FOXP1: variants seen among roughly 807,000 people sequenced by gnomAD.
The protein encoded by FOXP1 is forkhead box P1, also known as forkhead box protein P1.
In FOXP1, 15 loss-of-function variants were observed where a neutral mutation model predicts 98.2. The observed-to-expected ratio is 0.15, with a 90% CI of 0.10 to 0.24. FOXP1 has a LOEUF of 0.24. Ranked by LOEUF, FOXP1 falls within the 10% of genes least tolerant of loss-of-function variation. FOXP1 has a pLI of 1.00. For missense variants in FOXP1, 633 were observed against 848.5 expected, an observed-to-expected ratio of 0.75 and a Z score of 3.15; for synonymous variants, 371 against 314.5, an observed-to-expected ratio of 1.18 and a Z score of -1.90.
chr3:71,330,613 A>G (rs2076233030), intron 4 of FOXP1, among the ~76,000 whole-genome samples: 1 of 152,246 alleles, frequency 6.6e-6, no homozygotes, highest in Non-Finnish European at 1.5e-5. Flanking sequence ...ACTAAAAGAA[A>G]TTTGCATTAA....
intron 6 of FOXP1, among the ~76,000 whole-genome samples, chr3:71,141,266 C>CAA (rs71621921): frequency 0.048 from 3,460 of 71,590 alleles, 140 homozygotes; most frequent in East Asian, 0.13. Flanking sequence ...GACTCTGTCT[C>CAA]AAAAAAAAAA....
chr3:71,265,000 C>T (rs2069501059), intron 5 of FOXP1, among the ~76,000 whole-genome samples: 1 of 152,200 alleles, frequency 6.6e-6, no homozygotes, highest in East Asian at 1.9e-4. Context: ...TGCAGTCTGG[C>T]TCATCTGATT....
At chr3:71,038,957 T>G (rs2047970980) in intron 11 of FOXP1, among the ~76,000 whole-genome samples, 1 of 152,166 alleles carries the variant, frequency 6.6e-6, no homozygotes, top group South Asian at 2.1e-4. Flanking sequence ...TGAACCACTG[T>G]ACCAGGCCTA....
At chr3:71,231,905 T>C (rs1000639475) in intron 5 of FOXP1, among the ~76,000 whole-genome samples, 2 of 152,258 alleles carry the variant, frequency 1.3e-5, no homozygotes, top group African/African-American at 4.8e-5. Flanking sequence ...CGTTATCTCC[T>C]GTAGGAAGGC....
intron 3 of FOXP1, among the ~76,000 whole-genome samples, chr3:71,389,002 C>T (rs1404734848): frequency 6.6e-6 from 1 of 151,842 alleles, no homozygotes; most frequent in Non-Finnish European, 1.5e-5. Flanking sequence ...AAAGGTGTGG[C>T]TTTGGGAGGA....
At chr3:71,414,934 C>CCATTCAAA (rs2083095309) in intron 3 of FOXP1, among the ~76,000 whole-genome samples, 1 of 152,178 alleles carries the variant, frequency 6.6e-6, no homozygotes, top group African/African-American at 2.4e-5. Context: ...TACCATGTTC[C>CCATTCAAA]CATTCAAAAT....
At chr3:71,152,974 C>G (rs2060644934) in intron 6 of FOXP1, among the ~76,000 whole-genome samples, 1 of 152,204 alleles carries the variant, frequency 6.6e-6, no homozygotes, top group Non-Finnish European at 1.5e-5. Flanking sequence ...CCATCCCTTC[C>G]CCACCCATGT....
At chr3:71,515,453 A>AC (rs1553906394) in intron 2 of FOXP1, among the ~76,000 whole-genome samples, 34 of 150,456 alleles carry the variant, frequency 2.3e-4, no homozygotes, top group African/African-American at 8.3e-4. Flanking sequence ...AAAAAAAAAA[A>AC]CTGCACATTT....
At chr3:71,200,331 T>C (rs1197500036) in intron 5 of FOXP1, among the ~76,000 whole-genome samples, 1 of 152,154 alleles carries the variant, frequency 6.6e-6, no homozygotes, top group African/African-American at 2.4e-5. Context: ...TATTCTCCAA[T>C]TTAGTGCTGC....
At chr3:71,212,610 C>G (rs2064572452) in intron 5 of FOXP1, among the ~76,000 whole-genome samples, 1 of 152,164 alleles carries the variant, frequency 6.6e-6, no homozygotes, top group African/African-American at 2.4e-5. Context: ...AGTCATGCCG[C>G]CTTTCCACAA....
Position 71,409,404 on chromosome 3 carries a change from T to C in FOXP1, c.-167-50160A>G, listed in dbSNP as rs150986525. Among the ~76,000 whole-genome samples, 18 of 152,300 alleles carry C rather than the reference T, an allele frequency of 1.2e-4. No homozygotes were observed. The East Asian group carries it at 3.1e-3, about 26-fold the overall frequency. ...ACCTGGAATGTAACCAGCACTGAGATATTTACTGAGTAAAGAAATAAACAG... is the reference window on the plus strand; with the variant it reads ...ACCTGGAATGTAACCAGCACTGAGACATTTACTGAGTAAAGAAATAAACAG... On this transcript the variant is annotated intron_variant, in intron 3 of 20. Transcript: ENST00000649528.
intron 4 of FOXP1, among the ~76,000 whole-genome samples, chr3:71,347,799 C>T (rs150001846): frequency 2.6e-5 from 4 of 151,800 alleles, no homozygotes; most frequent in South Asian, 4.2e-4. Context: ...GCAAGAGAAT[C>T]GCTTGAACAT....
At chr3:71,535,876 C>T (rs1394535265) in intron 2 of FOXP1, among the ~76,000 whole-genome samples, 1 of 152,190 alleles carries the variant, frequency 6.6e-6, no homozygotes, top group East Asian at 1.9e-4. Flanking sequence ...CAACGCCTCC[C>T]CGTGCCCTCC....
At chr3:71,087,146 G>C (rs192487914) in intron 7 of FOXP1, among the ~76,000 whole-genome samples, 260 of 152,252 alleles carry the variant, frequency 1.7e-3, no homozygotes, top group Admixed American at 2.9e-3. Context: ...GGATTTCCTC[G>C]GGACAGTCCA....
At chr3:70,996,127 C>T (rs1458445944) in intron 13 of FOXP1, among the ~76,000 whole-genome samples, 3 of 152,162 alleles carry the variant, frequency 2.0e-5, no homozygotes, top group Non-Finnish European at 2.9e-5. Flanking sequence ...GCTGGGATTA[C>T]AGGCATGTAT....
intron 5 of FOXP1, among the ~76,000 whole-genome samples, chr3:71,249,891 C>A (rs2068047741): frequency 6.6e-6 from 1 of 152,192 alleles, no homozygotes; most frequent in Admixed American, 6.5e-5. Flanking sequence ...TCCTCCCTTG[C>A]CTCTAACTGG....
intron 9 of FOXP1, among the ~76,000 whole-genome samples, chr3:71,048,968 G>A (rs1212478360): frequency 2.0e-5 from 3 of 152,028 alleles, no homozygotes; most frequent in Non-Finnish European, 4.4e-5. Context: ...GAAAAGCCAG[G>A]ATATAAAAGT....
At chr3:71,058,162 G>C (rs1212563207) in intron 7 of FOXP1, among the ~76,000 whole-genome samples, 1 of 152,126 alleles carries the variant, frequency 6.6e-6, no homozygotes, top group Non-Finnish European at 1.5e-5. Context: ...GGAATTGGGT[G>C]GGAGGGGAGA....
At chr3:71,194,278 G>C (rs969907807) in intron 6 of FOXP1, among the ~76,000 whole-genome samples, 3 of 134,840 alleles carry the variant, frequency 2.2e-5, no homozygotes, top group African/African-American at 8.8e-5. Flanking sequence ...AAAAAAAAAA[G>C]AAAGAAAGAA....
Sources: allele counts gnomAD v4.1 joint callset (sites outside exome capture counted in the v4.1 genomes callset), GRCh38; gene constraint gnomAD v4.1.1; transcripts MANE v1.5; gene names NCBI Gene and HGNC (gene_info 2026-07-23, HGNC 2026-07-21).